Variants in KLKB1 observed in about 807,000 individuals in gnomAD.
KLKB1 encodes plasma kallikrein.
In KLKB1, 58 loss-of-function variants were observed where a neutral mutation model predicts 73.6. The observed-to-expected ratio is 0.79, with a 90% CI of 0.64 to 0.98. The LOEUF is 0.98. Ranked by LOEUF, KLKB1 falls within the 50% of genes least tolerant of loss-of-function variation. The pLI, the probability that KLKB1 is intolerant of heterozygous loss-of-function variation, is 0.00. For missense variants in KLKB1, 737 were observed against 763.8 expected (o/e 0.96, Z 0.41); for synonymous variants, 280 against 258.1 (o/e 1.08, Z -0.81).
chr4:186,251,413 G>A, intron 8 of KLKB1, 74 bp from the exon 9 acceptor site: 2 of 1,537,422 alleles, frequency 1.3e-6, no homozygotes, highest in Admixed American at 1.7e-5. Flanking sequence ...AATCCTCAAG[G>A]TAACAGAAAC....
chr4:186,241,737 C>G (rs1027285149), intron 6 of KLKB1, among the ~76,000 whole-genome samples: 1 of 151,974 alleles, frequency 6.6e-6, no homozygotes, highest in Non-Finnish European at 1.5e-5. Context: ...GTCTGATAAA[C>G]GAAGCTGGTT....
intron 2 of KLKB1, among the ~76,000 whole-genome samples, chr4:186,220,697 T>C (rs1737015301): frequency 6.6e-6 from 1 of 152,236 alleles, no homozygotes; most frequent in Admixed American, 6.5e-5. Context: ...TGTTGTTGAA[T>C]TTAGTCTGGC....
Position 186,250,354 on chromosome 4 carries a change from G to C in KLKB1, c.710G>C (p.Cys237Ser). Residue 237 changes from cysteine to serine, a missense_variant, in exon 7 of 15, where the codon TGC becomes TCC. Cys to Ser is a moderately radical substitution (Grantham distance 112). Coordinates refer to ENST00000264690, the MANE Select transcript of KLKB1 (RefSeq NM_000892.5). The stretch of plus-strand genomic sequence containing the variant: ...ACCATCTGCACCTATCACCCCAACT[G>C]CCTCTTCTTTACATTCTATACAAAT... ...CRTICTYHPN[C>S]LFFTFYTNVW... The C allele has an allele frequency of 5.0e-6, 8 of 1,614,074 alleles. No individual in the cohort carries two copies. Among genetic ancestry groups the C allele is most frequent in the Non-Finnish European group, 5.9e-6 (7 of 1,179,984 alleles).
At chr4:186,225,187 A>T (rs1278209720), upstream of KLKB1, among the ~76,000 whole-genome samples, 3 of 152,114 alleles carry the variant, frequency 2.0e-5, no homozygotes, top group Non-Finnish European at 4.4e-5. Flanking sequence ...GGACTAATAC[A>T]TCTGGGAAAT....
chr4:186,242,275 C>T (rs1372477438), intron 6 of KLKB1, among the ~76,000 whole-genome samples: 1 of 152,088 alleles, frequency 6.6e-6, no homozygotes, highest in Non-Finnish European at 1.5e-5. Context: ...TCAGTTACTT[C>T]AGGTCATCTA....
intron 6 of KLKB1, among the ~76,000 whole-genome samples, chr4:186,242,396 G>A (rs918363170): frequency 6.6e-6 from 1 of 152,224 alleles, no homozygotes; most frequent in East Asian, 1.9e-4. Context: ...AAAGTTTTTG[G>A]GGGTGGTATG....
intron 2 of KLKB1, among the ~76,000 whole-genome samples, chr4:186,217,371 A>G (rs908439624): frequency 2.6e-5 from 4 of 152,176 alleles, no homozygotes; most frequent in African/African-American, 4.8e-5. Flanking sequence ...TCTACTGCAC[A>G]AAGTGGAGAG....
At chr4:186,224,533 C>T (rs1260626164), upstream of KLKB1, among the ~76,000 whole-genome samples, 2 of 152,208 alleles carry the variant, frequency 1.3e-5, no homozygotes, top group African/African-American at 4.8e-5. Context: ...GACTTCCCTG[C>T]TAGGTTTTGC....
At chr4:186,240,207 A>G (rs1202530434) in intron 6 of KLKB1, among the ~76,000 whole-genome samples, 2 of 151,840 alleles carry the variant, frequency 1.3e-5, no homozygotes, top group Non-Finnish European at 2.9e-5. Flanking sequence ...ATATTGTTAT[A>G]GTTATAGGAC....
Position 186,251,601 on chromosome 4 carries a change from G to T in KLKB1, c.983G>T (p.Cys328Phe). The change falls in exon 9 of 15, where the codon TGT (cysteine) becomes TTT (phenylalanine). Residue 328 changes from cysteine to phenylalanine, a missense_variant. Transcript: ENST00000264690. ...GAGACTTGCACAAAGATGATTCGCT[G>T]TCAGTTTTTCACTTATTCTTTACTC... ...CQETCTKMIR[C>F]QFFTYSLLPE... The T allele has an allele frequency of 6.2e-7, 1 of 1,614,134 alleles. No homozygotes were observed. Among genetic ancestry groups the T allele is most frequent in the East Asian group, 2.2e-5 (1 of 44,868 alleles).
At chr4:186,227,501 G>C (rs1737206188), upstream of KLKB1, 1 of 152,144 alleles carries the variant, frequency 6.6e-6, no homozygotes, top group African/African-American at 2.4e-5. Context: ...GCAAAATATT[G>C]CCTGCAGTGC....
chr4:186,236,074 A>G (rs1038301805), intron 4 of KLKB1, among the ~76,000 whole-genome samples: 5 of 145,870 alleles, frequency 3.4e-5, no homozygotes, highest in Non-Finnish European at 5.9e-5. Flanking sequence ...AGATCGCGCC[A>G]CTGCGCTCCA....
At chr4:186,245,802 G>GTTTTTTTTTTTTTTTTTTTTTT (rs755207618) in intron 6 of KLKB1, among the ~76,000 whole-genome samples, 1 of 54,884 alleles carries the variant, frequency 1.8e-5, no homozygotes, top group Admixed American at 2.1e-4. Context: ...AATTTTTGGA[G>GTTTTTTTTTTTTTTTTTTTTTT]TTTTTTTTTG....
rs556212898 is a variant in KLKB1, at chr4:186,235,999, A to G, written c.329-782A>G. 2.6e-4 allele frequency among the ~76,000 whole-genome samples: 40 copies of G among 151,822 alleles called. No individual in the cohort carries two copies. In the South Asian group the frequency reaches 4.4e-3, roughly 17 times the overall value. ...CGTGGTGGCGCGCGCCTGTAGTCCCAGCTACTCGGGAGGCTGAGGCAGGAG... is the reference window on the plus strand; with the variant it reads ...CGTGGTGGCGCGCGCCTGTAGTCCCGGCTACTCGGGAGGCTGAGGCAGGAG... On this transcript the variant is annotated intron_variant, in intron 4 of 14. Transcript: ENST00000264690.
intron 6 of KLKB1, among the ~76,000 whole-genome samples, chr4:186,249,939 G>C (rs1245188750): frequency 6.6e-6 from 1 of 152,086 alleles, no homozygotes; most frequent in Non-Finnish European, 1.5e-5. Flanking sequence ...CAGAGTCAGA[G>C]TAATATAAAG....
chr4:186,219,372 A>C (rs1267299516), intron 2 of KLKB1, among the ~76,000 whole-genome samples: 2 of 152,178 alleles, frequency 1.3e-5, no homozygotes, highest in Non-Finnish European at 2.9e-5. Flanking sequence ...ATAAGGTCAT[A>C]ATTATGTTAG....
At chr4:186,237,456 G>C (rs1031443541) in intron 5 of KLKB1, among the ~76,000 whole-genome samples, 5 of 151,838 alleles carry the variant, frequency 3.3e-5, no homozygotes, top group African/African-American at 1.2e-4. Context: ...CTTTTCCCCT[G>C]GCATGTAATT....
At chr4:186,246,944 C>T (rs1209793749) in intron 6 of KLKB1, among the ~76,000 whole-genome samples, 1 of 151,624 alleles carries the variant, frequency 6.6e-6, no homozygotes, top group East Asian at 1.9e-4. Context: ...TCTGTCTCTA[C>T]CAGAAAATGA....
chr4:186,222,348 T>G (rs1375836274), upstream of KLKB1, among the ~76,000 whole-genome samples: 1 of 152,228 alleles, frequency 6.6e-6, no homozygotes, highest in East Asian at 1.9e-4. Context: ...TCTTTTTGTC[T>G]CACTGTCTTC....
Sources: gnomAD v4.1 joint callset for allele counts (sites outside exome capture counted in the v4.1 genomes callset) on GRCh38, gnomAD v4.1.1 for gene constraint, MANE v1.5 for transcripts, NCBI Gene and HGNC (gene_info 2026-07-23, HGNC 2026-07-21) for gene names.